Variants in NCOA7 observed in about 807,000 individuals in gnomAD.
The protein encoded by NCOA7 is 140 kDa estrogen receptor-associated protein.
Under a neutral mutation model 104.3 loss-of-function variants are expected in NCOA7, and 45 were observed. The observed-to-expected ratio is 0.43, with a 90% CI of 0.34 to 0.55. The LOEUF (loss-of-function observed/expected upper bound fraction) is 0.55. NCOA7 is among the 20% of genes least tolerant of loss of function. The pLI is 0.02. For missense variants in NCOA7, 1,041 were observed against 1,119.7 expected, an observed-to-expected ratio of 0.93 and a Z score of 1.00; for synonymous variants, 398 against 402.3, an observed-to-expected ratio of 0.99 and a Z score of 0.13.
intron 13 of NCOA7, among the ~76,000 whole-genome samples, chr6:125,925,964 C>CA (rs1451831619): frequency 6.6e-6 from 1 of 152,078 alleles, no homozygotes; most frequent in Non-Finnish European, 1.5e-5. Context: ...AGTAATTCCC[C>CA]AATATCATCC....
chr6:125,786,800 TC>T (rs886714153), upstream of NCOA7, among the ~76,000 whole-genome samples: 16 of 152,106 alleles, frequency 1.1e-4, no homozygotes, highest in Non-Finnish European at 2.4e-4. Context: ...TGTCTCAAAC[TC>T]CTGACCTCAA....
intron 10 of NCOA7, among the ~76,000 whole-genome samples, chr6:125,912,241 A>G (rs1488109792): frequency 6.6e-6 from 1 of 152,170 alleles, no homozygotes; most frequent in East Asian, 1.9e-4. Flanking sequence ...TCTTCCCCAT[A>G]AAATTATCTT....
intron 11 of NCOA7, among the ~76,000 whole-genome samples, chr6:125,916,397 T>C (rs147503196): frequency 6.6e-6 from 1 of 152,306 alleles, no homozygotes; most frequent in African/African-American, 2.4e-5. Flanking sequence ...AGCTGTAGTT[T>C]GCCAGACCTC....
Position 125,888,949 on chromosome 6 carries a change from C to T in NCOA7, c.895C>T (p.Gln299Ter). 6.2e-7 allele frequency: 1 copy of T among 1,600,458 alleles called. No homozygotes were observed. Among genetic ancestry groups the T allele is most frequent in the Non-Finnish European group, 8.5e-7 (1 of 1,172,382 alleles). Residue 299 changes from glutamine to a stop codon, truncating the protein, a stop_gained, in exon 9 of 16, where the codon CAG becomes TAG. Transcript: ENST00000392477. LOFTEE classifies it high-confidence loss of function. ...TTTCTCCCCCAACAGTGACCTACCT[C>T]AGGATCTTTGTCCTCTGTACAGGCC... ...IKDALPSDLPQDLCPLYRPGE... is the reference protein window; with the variant it reads ...IKDALPSDLP
intron 3 of NCOA7, among the ~76,000 whole-genome samples, chr6:125,856,584 C>G (rs1388490583): frequency 2.6e-5 from 4 of 152,074 alleles, no homozygotes; most frequent in Non-Finnish European, 4.4e-5. Flanking sequence ...GATCTCTTGA[C>G]CTCGTGATCT....
intron 1 of NCOA7, among the ~76,000 whole-genome samples, chr6:125,783,080 T>C (rs1380246514): frequency 6.6e-6 from 1 of 152,206 alleles, no homozygotes; most frequent in African/African-American, 2.4e-5. Flanking sequence ...TCTTCTCCCA[T>C]AGGCTTCCAG....
intron 1 of NCOA7, among the ~76,000 whole-genome samples, chr6:125,785,803 T>G (rs1026034442): frequency 6.6e-6 from 1 of 152,240 alleles, no homozygotes; most frequent in African/African-American, 2.4e-5. Context: ...AAGGAAAAAT[T>G]TATTGGGCTA....
intron 1 of NCOA7, among the ~76,000 whole-genome samples, chr6:125,808,629 T>C (rs1161525411): frequency 6.6e-6 from 1 of 152,228 alleles, no homozygotes; most frequent in Admixed American, 6.5e-5. Flanking sequence ...AAAATTTTCC[T>C]GGGAATCTAT....
intron 3 of NCOA7, among the ~76,000 whole-genome samples, chr6:125,857,192 C>A (rs1239623423): frequency 6.6e-6 from 1 of 152,062 alleles, no homozygotes; most frequent in Non-Finnish European, 1.5e-5. Flanking sequence ...TAAATATTAT[C>A]CCTTATTTCC....
intron 1 of NCOA7, among the ~76,000 whole-genome samples, chr6:125,785,118 G>T (rs1046431318): frequency 1.1e-4 from 17 of 152,058 alleles, no homozygotes; most frequent in Non-Finnish European, 1.9e-4. Flanking sequence ...CAGGTGGATC[G>T]CCTGAGGTCA....
At chr6:125,913,759 C>A in intron 10 of NCOA7, 1 of 649,098 alleles carries the variant, frequency 1.5e-6, no homozygotes, top group Non-Finnish European at 1.9e-6. Flanking sequence ...CTCGGAAACA[C>A]ATTTGATAGT....
At chr6:125,851,901 T>TC (rs1781165458) in intron 2 of NCOA7, among the ~76,000 whole-genome samples, 1 of 152,144 alleles carries the variant, frequency 6.6e-6, no homozygotes, top group Non-Finnish European at 1.5e-5. Flanking sequence ...TTTTTTTTTT[T>TC]CGAGAAATAT....
At chr6:125,804,643 A>G (rs1048308521) in intron 1 of NCOA7, among the ~76,000 whole-genome samples, 4 of 152,230 alleles carry the variant, frequency 2.6e-5, no homozygotes, top group Non-Finnish European at 5.9e-5. Context: ...AGTATTAATG[A>G]GAGAATGCAT....
intron 9 of NCOA7, 89 bp from the exon 10 acceptor site, chr6:125,890,553 G>A: frequency 7.8e-7 from 1 of 1,280,010 alleles, no homozygotes; most frequent in East Asian, 2.4e-5. Context: ...GACTAAGAGA[G>A]GATTGTGCAC....
At chr6:125,903,722 T>TC (rs1554200994) in intron 10 of NCOA7, among the ~76,000 whole-genome samples, 308 of 151,828 alleles carry the variant, frequency 2.0e-3, no homozygotes, top group African/African-American at 7.0e-3. Context: ...TTTTTTTTTT[T>TC]TGAGATAGAA....
intron 10 of NCOA7, among the ~76,000 whole-genome samples, chr6:125,900,279 TA>T (rs1249872948): frequency 2.0e-5 from 3 of 152,236 alleles, no homozygotes; most frequent in African/African-American, 7.2e-5. Flanking sequence ...GTCCACTGTT[TA>T]ATTTTAAAGA....
In NCOA7 at chr6:125,815,339, C is replaced by T; in HGVS notation, c.-16C>T. On this transcript the variant is annotated 5_prime_UTR_variant, in exon 2 of 16. Transcript: ENST00000392477. Reference sequence around the variant, plus strand: ...GAGGGACTTTTTCAAATACTTTGCACTTTTGATTGTGTATTATGGATACCA... The same window carrying T: ...GAGGGACTTTTTCAAATACTTTGCATTTTTGATTGTGTATTATGGATACCA... The T allele has an allele frequency of 1.9e-6, 3 of 1,595,440 alleles. No homozygotes were observed. Among genetic ancestry groups the T allele is most frequent in the Non-Finnish European group, 2.6e-6 (3 of 1,170,968 alleles).
At chr6:125,861,221 A>G (rs1027126111) in intron 3 of NCOA7, among the ~76,000 whole-genome samples, 6 of 152,224 alleles carry the variant, frequency 3.9e-5, no homozygotes, top group African/African-American at 1.4e-4. Context: ...TGGAAGTAAC[A>G]GACTACTAAG....
chr6:125,856,086 G>A (rs1305931585), intron 3 of NCOA7, among the ~76,000 whole-genome samples: 1 of 152,078 alleles, frequency 6.6e-6, no homozygotes, highest in Non-Finnish European at 1.5e-5. Flanking sequence ...CATGGATTTT[G>A]TTTCAAAGAG....
Sources: gnomAD v4.1 joint callset for allele counts (sites outside exome capture counted in the v4.1 genomes callset) on GRCh38, gnomAD v4.1.1 for gene constraint, MANE v1.5 for transcripts, NCBI Gene and HGNC (gene_info 2026-07-23, HGNC 2026-07-21) for gene names.